The following BCKDHA variants were observed in gnomAD, a reference collection of about 807,000 sequenced individuals.
BCKDHA encodes 2-oxoisovalerate dehydrogenase subunit alpha, mitochondrial.
BCKDHA carries 43 observed loss-of-function variants against 52.2 expected under a neutral mutation model. The observed-to-expected ratio is 0.82, with a 90% CI of 0.64 to 1.06. The LOEUF (loss-of-function observed/expected upper bound fraction) is 1.06, where lower values mean the gene tolerates loss of function less well. Ranked by LOEUF, BCKDHA falls within the 50% of genes least tolerant of loss-of-function variation. The pLI is 0.00. For synonymous variants in BCKDHA, 234 were observed against 247.9 expected (o/e 0.94, Z 0.53); for missense variants, 527 against 621.3 (o/e 0.85, Z 1.61).
At chr19:41,410,890 C>T in intron 2 of BCKDHA, 33 bp from the exon 3 acceptor site, 1 of 1,613,970 alleles carries the variant, frequency 6.2e-7, no homozygotes, top group Non-Finnish European at 8.5e-7. Flanking sequence ...CTGGTCCCAA[C>T]TGCCCCACGT....
chr19:41,398,565 GGA>G (rs2039102691), intron 1 of BCKDHA, among the ~76,000 whole-genome samples: 1 of 152,162 alleles, frequency 6.6e-6, no homozygotes, highest in Non-Finnish European at 1.5e-5. Context: ...AAAAAAGGAG[GGA>G]GAGAGGTACA....
intron 4 of BCKDHA, among the ~76,000 whole-genome samples, chr19:41,414,486 G>A (rs1005017784): frequency 4.1e-4 from 62 of 152,120 alleles, no homozygotes; most frequent in Non-Finnish European, 7.4e-5. Flanking sequence ...TCCAAGGGTC[G>A]CTGGGAGGAT....
intron 8 of BCKDHA, among the ~76,000 whole-genome samples, chr19:41,424,010 G>T (rs284657): frequency 2.0e-5 from 3 of 151,250 alleles, no homozygotes; most frequent in Admixed American, 6.6e-5. Context: ...AAAAAAAGCT[G>T]GTTTGAGGAT....
intron 1 of BCKDHA, among the ~76,000 whole-genome samples, chr19:41,401,069 G>T (rs2039133682): frequency 1.1e-5 from 1 of 90,894 alleles, no homozygotes; most frequent in Admixed American, 9.7e-5. Context: ...CAGGGTTTTT[G>T]TTTTGTTTTG....
At chr19:41,398,632 G>A (rs1296412727) in intron 1 of BCKDHA, among the ~76,000 whole-genome samples, 1 of 152,182 alleles carries the variant, frequency 6.6e-6, no homozygotes, top group Non-Finnish European at 1.5e-5. Flanking sequence ...TTTGTTTCTT[G>A]TCAAAAGGGT....
At chr19:41,410,334 A>G (rs1384747984) in intron 1 of BCKDHA, among the ~76,000 whole-genome samples, 1 of 152,178 alleles carries the variant, frequency 6.6e-6, no homozygotes, top group East Asian at 1.9e-4. Flanking sequence ...GCTACCAGTT[A>G]TTGACTTGCC....
At chr19:41,406,626 A>G (rs866685230) in intron 1 of BCKDHA, among the ~76,000 whole-genome samples, 6 of 151,380 alleles carry the variant, frequency 4.0e-5, no homozygotes, top group South Asian at 4.2e-4. Context: ...CTGGAGTGCA[A>G]TGGTGCCATC....
At chr19:41,411,468 A>G (rs2039252952) in intron 3 of BCKDHA, among the ~76,000 whole-genome samples, 1 of 151,590 alleles carries the variant, frequency 6.6e-6, no homozygotes, top group East Asian at 1.9e-4. Flanking sequence ...TCCAATGACC[A>G]TACATCCAGA....
In BCKDHA at chr19:41,423,131, G is replaced by T; in HGVS notation, c.1129G>T (p.Glu377Ter). 6.4e-7 allele frequency: 1 copy of T among 1,559,976 alleles called. No individual in the cohort carries two copies. The highest frequency in any genetic ancestry group is 8.7e-7 in the Non-Finnish European group (1 of 1,151,958). ...YLLSQGWWDE[E>*]QEKAWRKQSR... ...GCTGAGCCAAGGCTGGTGGGATGAG[G>T]AGCAGGAGAAGGCCTGGAGGAAGCA... is the stretch of plus-strand genomic sequence containing the variant. The change falls in exon 8 of 9, where the codon GAG becomes TAG. Residue 377 changes from glutamate to a stop codon, truncating the protein, a stop_gained. Transcript: ENST00000269980. LOFTEE classifies it high-confidence loss of function.
chr19:41,422,850 C>G, intron 7 of BCKDHA, 80 bp downstream of exon 7: 1 of 1,604,580 alleles, frequency 6.2e-7, no homozygotes, highest in Non-Finnish European at 8.5e-7. Flanking sequence ...TCACTGTCTC[C>G]AAAACATGGC....
At chr19:41,417,480 T>C (rs925868685) in intron 4 of BCKDHA, among the ~76,000 whole-genome samples, 4 of 152,144 alleles carry the variant, frequency 2.6e-5, no homozygotes, top group Non-Finnish European at 5.9e-5. Context: ...CCAGAGCAAC[T>C]CCTGTTTCTA....
In BCKDHA at chr19:41,414,112, G is replaced by A. The variant is rs753231061; in HGVS notation, c.439G>A (p.Ala147Thr). ...GGGCACGCACGTGGGGAGTGCCGCCGCCCTGGACAACACGGACCTGGTGTT... is the reference window on the plus strand; with the variant it reads ...GGGCACGCACGTGGGGAGTGCCGCCACCCTGGACAACACGGACCTGGTGTT... ...EEGTHVGSAA[A>T]LDNTDLVFGQ... The change falls in exon 4 of 9, where the codon GCC becomes ACC. Residue 147 changes from alanine (A) to threonine (T), a missense_variant. Physicochemically the swap from Ala to Thr is moderately conservative, Grantham distance 58. Coordinates refer to ENST00000269980, the MANE Select transcript of BCKDHA (RefSeq NM_000709.4). The A allele has an allele frequency of 9.9e-6, 16 of 1,613,584 alleles. No individual in the cohort carries two copies. Among genetic ancestry groups the A allele is most frequent in the Admixed American group, 1.7e-5 (1 of 60,006 alleles).
intron 5 of BCKDHA, among the ~76,000 whole-genome samples, chr19:41,421,407 G>T (rs2039362726): frequency 6.6e-6 from 1 of 152,126 alleles, no homozygotes; most frequent in African/African-American, 2.4e-5. Context: ...CTGTAGGGGT[G>T]GCTGGGGTCC....
intron 1 of BCKDHA, among the ~76,000 whole-genome samples, chr19:41,405,145 T>G (rs2039179287): frequency 6.6e-6 from 1 of 152,216 alleles, no homozygotes; most frequent in South Asian, 2.1e-4. Context: ...CTTGTGTTTA[T>G]GAAACATTAT....
chr19:41,422,202 A>T lies in BCKDHA; in HGVS notation c.685A>T (p.Asn229Tyr), dbSNP rs774519917. Residue 229 changes from asparagine to tyrosine, a missense_variant, in exon 6 of 9, where the codon AAC becomes TAC. Coordinates refer to ENST00000269980, the MANE Select transcript of BCKDHA (RefSeq NM_000709.4). Reference sequence around the variant, plus strand: ...GTACGCAGCCAAGCGGGCCAATGCCAACAGGGTCGTCATCTGTTACTTCGG... The same window carrying T: ...GTACGCAGCCAAGCGGGCCAATGCCTACAGGGTCGTCATCTGTTACTTCGG... The part of the protein sequence containing the change: ...AAYAAKRANA[N>Y]RVVICYFGEG... The T allele has an allele frequency of 6.2e-7, 1 of 1,614,096 alleles. No individual in the cohort carries two copies. Among genetic ancestry groups the T allele is most frequent in the East Asian group, 2.2e-5 (1 of 44,878 alleles).
intron 3 of BCKDHA, among the ~76,000 whole-genome samples, chr19:41,412,951 G>A (rs2039272524): frequency 6.6e-6 from 1 of 152,214 alleles, no homozygotes; most frequent in South Asian, 2.1e-4. Context: ...TGATCCGCCT[G>A]CCTTGGCCTC....
chr19:41,419,407 A>T, intron 5 of BCKDHA, 111 bp downstream of exon 5: 1 of 1,327,022 alleles, frequency 7.5e-7, no homozygotes, highest in African/African-American at 1.5e-5. Context: ...TGGTGACACC[A>T]CTAGAGCCCT....
At chr19:41,406,850 G>A (rs2241707) in intron 1 of BCKDHA, among the ~76,000 whole-genome samples, 94,612 of 152,032 alleles carry the variant, frequency 0.62, 29,875 homozygotes, top group African/African-American at 0.7. Flanking sequence ...GATTACAGGC[G>A]TGAGCCACCA....
intron 4 of BCKDHA, 147 bp downstream of exon 4, chr19:41,414,304 G>T: frequency 1.2e-6 from 1 of 850,304 alleles, no homozygotes; most frequent in South Asian, 1.5e-5. Flanking sequence ...ACAAGCCAGG[G>T]TTAGGACTCT....
Sources: gnomAD v4.1 joint callset for allele counts (sites outside exome capture counted in the v4.1 genomes callset) on GRCh38, gnomAD v4.1.1 for gene constraint, MANE v1.5 for transcripts, NCBI Gene and HGNC (gene_info 2026-07-23, HGNC 2026-07-21) for gene names.